The following ACYP2 variants were observed in gnomAD, a reference collection of about 807,000 sequenced individuals.
ACYP2 encodes acylphosphatase 2.
In ACYP2, 12 loss-of-function variants were observed where a neutral mutation model predicts 11.2. That is an observed-to-expected ratio of 1.08 (90% CI 0.69 to 1.74). The LOEUF (loss-of-function observed/expected upper bound fraction) is 1.74. ACYP2 is among the 40% of genes most tolerant of loss of function. ACYP2 has a pLI of 0.00. For missense variants in ACYP2, 134 were observed against 101.9 expected (o/e 1.31, Z -1.35); for synonymous variants, 43 against 32.2 (o/e 1.33, Z -1.13).
chr2:54,029,814 A>C (rs762531928), intron 2 of ACYP2: 1 of 541,824 alleles, frequency 1.8e-6, no homozygotes, highest in Non-Finnish European at 3.4e-6. Flanking sequence ...GGGCATTCCT[A>C]TTTGAACAGT....
intron 6 of ACYP2, among the ~76,000 whole-genome samples, chr2:54,195,361 C>T (rs144952531): frequency 3.2e-4 from 49 of 152,294 alleles, no homozygotes; most frequent in African/African-American, 1.1e-3. Context: ...TATCCTTTGA[C>T]AGTCAGCTTC....
At chr2:54,169,938 A>G (rs977044747) in intron 6 of ACYP2, among the ~76,000 whole-genome samples, 3 of 152,142 alleles carry the variant, frequency 2.0e-5, no homozygotes, top group African/African-American at 7.2e-5. Context: ...TTTAGATATT[A>G]TCTGGTGACT....
rs535968748 is a variant in ACYP2 at position 53,984,252 on chromosome 2, C to A, written c.62+10442C>A. Among the ~76,000 whole-genome samples, 4 of 152,102 alleles carry A rather than the reference C, an allele frequency of 2.6e-5. No individual in the cohort carries two copies. In the East Asian group the frequency reaches 7.7e-4, roughly 29 times the overall value. ...CAAAACTAGGTGAGGAAATTATAGC[C>A]CAGTCCCACCTGAACATAGATGGAG... On this transcript the variant is annotated intron_variant, in intron 2 of 6. Coordinates refer to ENST00000607452, the MANE Select transcript of ACYP2 (RefSeq NM_001320586.2).
At chr2:54,276,377 A>C (rs966996708) in intron 6 of ACYP2, among the ~76,000 whole-genome samples, 1 of 152,120 alleles carries the variant, frequency 6.6e-6, no homozygotes, top group African/African-American at 2.4e-5. Flanking sequence ...AATAGTTGTC[A>C]ATGTTATAAC....
chr2:53,975,367 G>A (rs1416409508), intron 2 of ACYP2: 2 of 397,978 alleles, frequency 5.0e-6, no homozygotes, highest in Non-Finnish European at 8.9e-6. Context: ...AAGTTTCATG[G>A]AGAACACTAT....
chr2:54,238,291 G>T (rs1343116429), intron 6 of ACYP2, among the ~76,000 whole-genome samples: 2 of 152,124 alleles, frequency 1.3e-5, no homozygotes, highest in African/African-American at 4.8e-5. Context: ...AAATTCTGAA[G>T]TTCTGTAAGA....
At chr2:53,979,695 G>GT (rs1268606950) in intron 2 of ACYP2, among the ~76,000 whole-genome samples, 5 of 151,848 alleles carry the variant, frequency 3.3e-5, no homozygotes, top group Non-Finnish European at 4.4e-5. Flanking sequence ...ATGTGTGTGT[G>GT]TTTTTTTGTT....
intron 2 of ACYP2, among the ~76,000 whole-genome samples, chr2:53,988,029 T>G (rs933604198): frequency 6.6e-6 from 1 of 152,210 alleles, no homozygotes; most frequent in Non-Finnish European, 1.5e-5. Context: ...GTCCAGTTTA[T>G]CAGTTTTTCC....
intron 6 of ACYP2, among the ~76,000 whole-genome samples, chr2:54,170,937 C>T (rs1683197083): frequency 6.6e-6 from 1 of 152,114 alleles, no homozygotes; most frequent in South Asian, 2.1e-4. Flanking sequence ...GCAGCGCCAT[C>T]CAAGTCAATC....
intron 6 of ACYP2, among the ~76,000 whole-genome samples, chr2:54,219,879 GTGTA>G (rs1202537097): frequency 4.4e-4 from 24 of 54,390 alleles, no homozygotes; most frequent in Non-Finnish European, 5.6e-4. Context: ...GTGTGTGTGT[GTGTA>G]TATATATATA....
intron 6 of ACYP2, among the ~76,000 whole-genome samples, chr2:54,304,482 G>T (rs1293609365): frequency 6.6e-6 from 1 of 151,924 alleles, no homozygotes; most frequent in Non-Finnish European, 1.5e-5. Context: ...TAATTTATTA[G>T]ATTTTCTTCA....
chr2:54,281,082 G>A (rs896933214), intron 6 of ACYP2, among the ~76,000 whole-genome samples: 23 of 152,078 alleles, frequency 1.5e-4, no homozygotes, highest in Admixed American at 1.4e-3. Context: ...AGGTTTAAAC[G>A]AAATAACATA....
intron 4 of ACYP2, among the ~76,000 whole-genome samples, chr2:54,096,826 A>AGAGAGGGAGAGGGAGACCGTGGG (rs1241457286): frequency 7.4e-4 from 106 of 143,500 alleles, no homozygotes; most frequent in African/African-American, 2.3e-3. Context: ...GACCGTGGAA[A>AGAGAGGGAGAGGGAGACCGTGGG]GAGAGGGAGA....
chr2:54,115,626 C>T, intron 4 of ACYP2: 1 of 1,568,252 alleles, frequency 6.4e-7, no homozygotes. Context: ...TGTGTCCCCT[C>T]CCTCTCGCAG....
chr2:54,304,266 C>T (rs553931715), intron 6 of ACYP2, among the ~76,000 whole-genome samples: 2 of 151,418 alleles, frequency 1.3e-5, no homozygotes, highest in Non-Finnish European at 1.5e-5. Flanking sequence ...ATATGTATCT[C>T]TCTATATACA....
At chr2:54,276,642 C>T (rs1232125536) in intron 6 of ACYP2, among the ~76,000 whole-genome samples, 2 of 147,000 alleles carry the variant, frequency 1.4e-5, no homozygotes, top group East Asian at 3.9e-4. Flanking sequence ...CACACACACA[C>T]ACACACACAC....
At chr2:54,164,713 T>G (rs1682877992) in intron 6 of ACYP2, among the ~76,000 whole-genome samples, 1 of 152,202 alleles carries the variant, frequency 6.6e-6, no homozygotes, top group South Asian at 2.1e-4. Flanking sequence ...ATGTTTTTGT[T>G]TTTAGTTCTG....
intron 4 of ACYP2, among the ~76,000 whole-genome samples, chr2:54,112,687 A>G (rs1679521282): frequency 6.6e-6 from 1 of 152,258 alleles, no homozygotes; most frequent in African/African-American, 2.4e-5. Flanking sequence ...AAGAAGAATA[A>G]AAGTTGCATT....
At chr2:53,972,261 G>C (rs1671183479) in intron 1 of ACYP2, among the ~76,000 whole-genome samples, 1 of 150,390 alleles carries the variant, frequency 6.6e-6, no homozygotes, top group Non-Finnish European at 1.5e-5. Flanking sequence ...AGTGAGCCAA[G>C]ATCGCGCCAG....
Sources: allele counts gnomAD v4.1 joint callset (sites outside exome capture counted in the v4.1 genomes callset), GRCh38; gene constraint gnomAD v4.1.1; transcripts MANE v1.5; gene names NCBI Gene and HGNC (gene_info 2026-07-23, HGNC 2026-07-21).